Variants in ITFG1 observed in about 807,000 individuals in gnomAD.
The protein encoded by ITFG1 is integrin alpha FG-GAP repeat containing 1, also known as T-cell immunomodulatory protein.
A neutral mutation model predicts 81.8 loss-of-function variants in ITFG1; 34 were observed. That is an observed-to-expected ratio of 0.42 (90% CI 0.32 to 0.55). The LOEUF is 0.55. Ranked by LOEUF, ITFG1 falls within the 20% of genes least tolerant of loss-of-function variation. The pLI, the probability that ITFG1 is intolerant of heterozygous loss-of-function variation, is 0.17. For synonymous variants in ITFG1, 285 were observed against 270.6 expected, an observed-to-expected ratio of 1.05 and a Z score of -0.52; for missense variants, 672 against 755.4, an observed-to-expected ratio of 0.89 and a Z score of 1.29.
intron 6 of ITFG1, chr16:47,426,049 C>G (rs1214911201): frequency 6.6e-6 from 1 of 152,010 alleles, no homozygotes; most frequent in African/African-American, 2.4e-5. Flanking sequence ...ATTTGTGTGT[C>G]TGAGCTACCA....
intron 14 of ITFG1, among the ~76,000 whole-genome samples, chr16:47,173,689 G>C (rs978972312): frequency 1.3e-5 from 2 of 152,180 alleles, no homozygotes; most frequent in Middle Eastern, 3.2e-3. Flanking sequence ...GTCCAGGCTT[G>C]CATTATAGTC....
chr16:47,342,574 T>A (rs963611882), intron 8 of ITFG1, among the ~76,000 whole-genome samples: 5 of 152,134 alleles, frequency 3.3e-5, no homozygotes, highest in African/African-American at 1.2e-4. Flanking sequence ...TATTTAGAGA[T>A]GACATGATGC....
chr16:47,428,056 C>T (rs1206639828), intron 6 of ITFG1, among the ~76,000 whole-genome samples: 2 of 152,140 alleles, frequency 1.3e-5, no homozygotes, highest in Admixed American at 6.5e-5. Context: ...ATAGCTTGAG[C>T]CTGGGAGGCA....
At chr16:47,420,811 A>T (rs1025174713) in intron 6 of ITFG1, among the ~76,000 whole-genome samples, 11 of 152,076 alleles carry the variant, frequency 7.2e-5, no homozygotes, top group African/African-American at 2.7e-4. Flanking sequence ...TTTGTGAGCC[A>T]CCTAAACCCC....
chr16:47,343,040 A>C (rs967164800), intron 8 of ITFG1, among the ~76,000 whole-genome samples: 8 of 152,142 alleles, frequency 5.3e-5, no homozygotes, highest in Non-Finnish European at 1.0e-4. Context: ...TAATGAAAAC[A>C]ATTCTGAAGT....
At chr16:47,258,542 T>C (rs1021358695) in intron 12 of ITFG1, 90 bp downstream of exon 12, 3 of 674,834 alleles carry the variant, frequency 4.4e-6, no homozygotes, top group Non-Finnish European at 7.9e-6. Context: ...ATCTAGAGGG[T>C]TGTACATCGG....
Position 47,218,953 on chromosome 16 carries a change from TA to T in ITFG1, c.1375-8del, listed in dbSNP as rs1965658930. On this transcript the variant is annotated splice_polypyrimidine_tract_variant and splice_region_variant and intron_variant, in intron 13 of 17. Coordinates refer to ENST00000320640, the MANE Select transcript of ITFG1 (RefSeq NM_030790.5). Reference sequence around the variant, plus strand: ...GTTGATTCACTCCAAAGGGCTGCAATAGAAAAAAAAAATAGTTAAGGCTTGG... The same window carrying T: ...GTTGATTCACTCCAAAGGGCTGCAATGAAAAAAAAAATAGTTAAGGCTTGG... 2 of 1,554,592 alleles carry T rather than the reference TA, an allele frequency of 1.3e-6. No individual in the cohort carries two copies.
At chr16:47,197,848 C>G (rs8061997) in intron 14 of ITFG1, among the ~76,000 whole-genome samples, 14 of 152,166 alleles carry the variant, frequency 9.2e-5, no homozygotes, top group African/African-American at 3.4e-4. Context: ...CTGCCAGAAA[C>G]GTGAGGGGAT....
At chr16:47,313,947 A>G in intron 8 of ITFG1, 124 bp from the exon 9 acceptor site, 1 of 489,400 alleles carries the variant, frequency 2.0e-6, no homozygotes, top group Non-Finnish European at 3.5e-6. Context: ...AATTTGACAC[A>G]TGGCTTCAAA....
At chr16:47,292,221 C>G (rs1013347025) in intron 10 of ITFG1, among the ~76,000 whole-genome samples, 14 of 152,128 alleles carry the variant, frequency 9.2e-5, no homozygotes, top group African/African-American at 3.4e-4. Flanking sequence ...ACCATGTTGA[C>G]CAGGCTGGTC....
intron 8 of ITFG1, among the ~76,000 whole-genome samples, chr16:47,315,775 A>ATATATATATATATATATATATG (rs200525858): frequency 6.7e-4 from 102 of 151,368 alleles, no homozygotes; most frequent in African/African-American, 2.4e-3. Context: ...TGCCATATAT[A>ATATATATATATATATATATATG]TATACACATA....
At chr16:47,452,324 A>G (rs1969399739) in intron 4 of ITFG1, among the ~76,000 whole-genome samples, 1 of 152,238 alleles carries the variant, frequency 6.6e-6, no homozygotes, top group Non-Finnish European at 1.5e-5. Context: ...GTCTACAGTG[A>G]GAATATAAAT....
intron 3 of ITFG1, among the ~76,000 whole-genome samples, chr16:47,453,122 G>T (rs989478188): frequency 1.6e-4 from 25 of 152,152 alleles, no homozygotes; most frequent in African/African-American, 5.5e-4. Context: ...TGTAAAGAAG[G>T]CCACATATGC....
intron 14 of ITFG1, among the ~76,000 whole-genome samples, chr16:47,169,057 G>C (rs2151509288): frequency 6.6e-6 from 1 of 152,208 alleles, no homozygotes; most frequent in South Asian, 2.1e-4. Context: ...TTATTTATGG[G>C]CTCTCAATTC....
chr16:47,437,327 G>T (rs756862517), intron 5 of ITFG1, among the ~76,000 whole-genome samples: 1 of 151,924 alleles, frequency 6.6e-6, no homozygotes, highest in Non-Finnish European at 1.5e-5. Context: ...AGTTAGTCAG[G>T]CATGGTGGCA....
chr16:47,237,969 A>G lies in ITFG1; in HGVS notation c.1370T>C (p.Ile457Thr). 7.1e-7 allele frequency: 1 copy of G among 1,412,242 alleles called. No homozygotes were observed. The allele number at this position is 1,412,242 out of a possible 1,614,324, so 87.5% of individuals were successfully genotyped here. The change falls in exon 13 of 18, where the codon ATA (isoleucine) becomes ACA (threonine). Residue 457 changes from isoleucine to threonine, a missense_variant. Physicochemically the swap from Ile to Thr is moderately conservative, Grantham distance 89. Around this residue, in one of 3 missense-constraint regions of ITFG1, gnomAD observed 560 missense variants for 625.7 expected, o/e 0.90. Coordinates refer to ENST00000320640, the MANE Select transcript of ITFG1 (RefSeq NM_030790.5). ...AACAGATATAAATTTACTTACTGTTATCTTACGAGGACAGTCATTAGAACA... is the reference window on the plus strand; with the variant it reads ...AACAGATATAAATTTACTTACTGTTGTCTTACGAGGACAGTCATTAGAACA... ...GLCSNDCPRK[I>T]TPFGVNQPGP... is the part of the protein sequence containing the mutation.
At chr16:47,260,808 A>G in intron 10 of ITFG1, 113 bp from the exon 11 acceptor site, 4 of 1,127,050 alleles carry the variant, frequency 3.5e-6, no homozygotes, top group East Asian at 4.9e-5. Context: ...GTGAAATTAC[A>G]CGAAAAAATC....
intron 10 of ITFG1, among the ~76,000 whole-genome samples, chr16:47,273,585 A>G (rs775015193): frequency 2.6e-5 from 4 of 152,174 alleles, no homozygotes; most frequent in African/African-American, 4.8e-5. Flanking sequence ...AGTGTCTAGG[A>G]TATGTGACTC....
chr16:47,317,424 C>G (rs1567457720), intron 8 of ITFG1: 1 of 152,140 alleles, frequency 6.6e-6, no homozygotes, highest in Admixed American at 6.5e-5. Flanking sequence ...TTCTCTTAAA[C>G]ATTCTTAATA....
Sources: gnomAD v4.1 joint callset for allele counts (sites outside exome capture counted in the v4.1 genomes callset) on GRCh38, gnomAD v4.1.1 for gene constraint, gnomAD v4.1.1 regional missense constraint, MANE v1.5 for transcripts, NCBI Gene and HGNC (gene_info 2026-07-23, HGNC 2026-07-21) for gene names.